ALDH1A2: variants seen among roughly 807,000 people sequenced by gnomAD.
ALDH1A2 encodes retinal dehydrogenase 2.
Under a neutral mutation model 60.3 loss-of-function variants are expected in ALDH1A2, and 27 were observed. The ratio of observed to expected loss-of-function variants is 0.45; its 90% CI spans 0.33 to 0.62. ALDH1A2 has a LOEUF of 0.62. Ranked by LOEUF, ALDH1A2 falls within the 20% of genes least tolerant of loss-of-function variation. The pLI, the probability that ALDH1A2 is intolerant of heterozygous loss-of-function variation, is 0.02. For synonymous variants in ALDH1A2, 289 were observed against 232.4 expected (o/e 1.24, Z -2.21); for missense variants, 581 against 643.8 (o/e 0.90, Z 1.06).
At chr15:58,025,242 A>G (rs751825561) in intron 1 of ALDH1A2, among the ~76,000 whole-genome samples, 10 of 152,174 alleles carry the variant, frequency 6.6e-5, no homozygotes, top group Non-Finnish European at 1.5e-4. Context: ...CAACAAAACA[A>G]AAAGCTGGTT....
At chr15:57,979,873 C>G (rs1386442077) in intron 7 of ALDH1A2, 3 of 331,982 alleles carry the variant, frequency 9.0e-6, no homozygotes, top group Non-Finnish European at 1.9e-5. Flanking sequence ...GACCTGGCTA[C>G]TATGGTTGGT....
chr15:58,041,273 T>C (rs1465579161), intron 1 of ALDH1A2, among the ~76,000 whole-genome samples: 1 of 151,910 alleles, frequency 6.6e-6, no homozygotes, highest in Non-Finnish European at 1.5e-5. Context: ...GTGTTTTCCA[T>C]CAATAATATG....
At chr15:58,022,487 G>A (rs1416039858) in intron 1 of ALDH1A2, among the ~76,000 whole-genome samples, 1 of 152,090 alleles carries the variant, frequency 6.6e-6, no homozygotes, top group Non-Finnish European at 1.5e-5. Flanking sequence ...CTAGGGACCT[G>A]AGAACACATC....
chr15:57,956,693 A>G (rs1893537782), intron 12 of ALDH1A2, among the ~76,000 whole-genome samples: 1 of 152,196 alleles, frequency 6.6e-6, no homozygotes. Context: ...TTACCAGCTC[A>G]GCTCTGGCTC....
At chr15:57,967,058 T>G (rs1893919360) in intron 7 of ALDH1A2, among the ~76,000 whole-genome samples, 1 of 152,182 alleles carries the variant, frequency 6.6e-6, no homozygotes. Context: ...AAACGCTACA[T>G]TCACTTTCAA....
chr15:57,961,435 C>T (rs1893716870), intron 10 of ALDH1A2, 141 bp from the exon 11 acceptor site: 2 of 1,062,000 alleles, frequency 1.9e-6, no homozygotes, highest in African/African-American at 1.6e-5. Flanking sequence ...ATCTCCCAAC[C>T]TTTCCTAGGA....
At chr15:58,032,588 T>C (rs1171506955) in intron 1 of ALDH1A2, among the ~76,000 whole-genome samples, 1 of 152,054 alleles carries the variant, frequency 6.6e-6, no homozygotes, top group Non-Finnish European at 1.5e-5. Context: ...GAATGTAAAC[T>C]AATACAACCA....
chr15:58,056,354 A>G (rs1230056527), intron 1 of ALDH1A2, among the ~76,000 whole-genome samples: 1 of 152,150 alleles, frequency 6.6e-6, no homozygotes, highest in Non-Finnish European at 1.5e-5. Flanking sequence ...ATTTTTAAAA[A>G]TTATTTAAAC....
At chr15:58,015,330 C>T (rs1421014000) in intron 1 of ALDH1A2, among the ~76,000 whole-genome samples, 1 of 152,148 alleles carries the variant, frequency 6.6e-6, no homozygotes, top group Non-Finnish European at 1.5e-5. Context: ...TGTCCCAAAG[C>T]TTTCCTTTTA....
chr15:57,979,559 G>T (rs1894406684), intron 7 of ALDH1A2, among the ~76,000 whole-genome samples: 1 of 152,106 alleles, frequency 6.6e-6, no homozygotes, highest in South Asian at 2.1e-4. Context: ...ACCAAGGCAA[G>T]GGGGAAGAAA....
intron 7 of ALDH1A2, among the ~76,000 whole-genome samples, chr15:57,985,405 A>G (rs571280784): frequency 2.4e-4 from 36 of 152,304 alleles, no homozygotes; most frequent in African/African-American, 7.7e-4. Flanking sequence ...CATATTACAA[A>G]CTAACATTTG....
At chr15:57,973,090 T>C (rs771271506) in intron 7 of ALDH1A2, among the ~76,000 whole-genome samples, 8 of 152,212 alleles carry the variant, frequency 5.3e-5, no homozygotes, top group Non-Finnish European at 1.0e-4. Flanking sequence ...GACTCTGCTG[T>C]AGTTTGCTTT....
chr15:57,977,239 C>T (rs747828810), intron 7 of ALDH1A2, among the ~76,000 whole-genome samples: 2 of 152,038 alleles, frequency 1.3e-5, no homozygotes, highest in Non-Finnish European at 2.9e-5. Context: ...TTGCTGTGCA[C>T]AAGCGGTTTA....
intron 1 of ALDH1A2, among the ~76,000 whole-genome samples, chr15:58,033,227 T>C (rs1397648164): frequency 1.3e-5 from 2 of 152,048 alleles, no homozygotes; most frequent in East Asian, 1.9e-4. Context: ...CCCATAAATA[T>C]GTGCAAATAA....
intron 1 of ALDH1A2, among the ~76,000 whole-genome samples, chr15:58,060,522 G>C (rs1235299649): frequency 7.7e-6 from 1 of 129,618 alleles, no homozygotes; most frequent in Non-Finnish European, 1.5e-5. Context: ...CATCATATCA[G>C]GCACTATGTG....
At chr15:57,960,732 T>A (rs747078949) in intron 12 of ALDH1A2, 38 bp downstream of exon 12, 2 of 1,542,934 alleles carry the variant, frequency 1.3e-6, no homozygotes, top group East Asian at 4.5e-5. Context: ...ATATTTGCAA[T>A]CTATTTCTCT....
chr15:57,981,968 G>A (rs2140476189), intron 7 of ALDH1A2, among the ~76,000 whole-genome samples: 1 of 152,292 alleles, frequency 6.6e-6, no homozygotes, highest in South Asian at 2.1e-4. Context: ...ACTTCCTGTG[G>A]TGTCATCCCA....
chr15:58,020,007 T>C (rs540918276), intron 1 of ALDH1A2, among the ~76,000 whole-genome samples: 1 of 131,868 alleles, frequency 7.6e-6, no homozygotes, highest in Non-Finnish European at 1.6e-5. Context: ...GGCCCCAGCA[T>C]GTGTTATTCC....
At chr15:57,989,539 T>G (rs1381189328) in intron 7 of ALDH1A2, among the ~76,000 whole-genome samples, 1 of 152,188 alleles carries the variant, frequency 6.6e-6, no homozygotes, top group Non-Finnish European at 1.5e-5. Context: ...TAAGGCAGTC[T>G]GGTACTAGTG....
Sources: gnomAD v4.1 joint callset for allele counts (sites outside exome capture counted in the v4.1 genomes callset) on GRCh38, gnomAD v4.1.1 for gene constraint, MANE v1.5 for transcripts, NCBI Gene and HGNC (gene_info 2026-07-23, HGNC 2026-07-21) for gene names.